ZNF518B: variants seen among roughly 807,000 people sequenced by gnomAD.
ZNF518B encodes zinc finger protein 518B.
A neutral mutation model predicts 56.3 loss-of-function variants in ZNF518B; 23 were observed. That is an observed-to-expected ratio of 0.41 (90% CI 0.29 to 0.58). The LOEUF (loss-of-function observed/expected upper bound fraction) is 0.58. Ranked by LOEUF, ZNF518B falls within the 20% of genes least tolerant of loss-of-function variation. The pLI is 0.32. For missense variants in ZNF518B, 1,460 were observed against 1,272.1 expected (o/e 1.15, Z -2.25); for synonymous variants, 529 against 465.9 (o/e 1.14, Z -1.74).
Position 10,443,034 on chromosome 4 carries a change from G to T in ZNF518B, c.*70C>A. 1 of 1,352,344 alleles carries T rather than the reference G, an allele frequency of 7.4e-7. No individual in the cohort carries two copies. Among genetic ancestry groups the T allele is most frequent in the South Asian group, 1.4e-5 (1 of 71,422 alleles). The allele number at this position is 1,352,344 out of a possible 1,614,324, so 83.8% of individuals were successfully genotyped here. ...TTCTACAGTCTGTATTTCTTCTACT[G>T]AATCTTGGTGGAGGGACTCCAAACC... On this transcript the variant is annotated 3_prime_UTR_variant, in exon 3 of 3. Coordinates refer to ENST00000326756, the MANE Select transcript of ZNF518B (RefSeq NM_053042.3).
At chr4:10,450,176 T>C (rs1439873067) in intron 2 of ZNF518B, among the ~76,000 whole-genome samples, 8 of 152,234 alleles carry the variant, frequency 5.3e-5, no homozygotes, top group Admixed American at 3.3e-4. Context: ...TAAGAATCCA[T>C]AGGAGCAAGT....
rs1161015837 is a variant in ZNF518B at position 10,444,896 on chromosome 4, G to T, written c.1433C>A (p.Ser478Tyr). Residue 478 changes from serine (S) to tyrosine (Y), a missense_variant, in exon 3 of 3, where the codon TCC (serine) becomes TAC (tyrosine). Transcript: ENST00000326756. ...NLYPHRTAFP[S>Y]VALKGHSLAS... The stretch of plus-strand genomic sequence containing the variant: ...TAGAGAATGACCTTTTAAGGCAACG[G>T]AAGGAAAAGCAGTTCTATGTGGATA... 1 of 1,612,260 alleles carries T rather than the reference G, an allele frequency of 6.2e-7. No homozygotes were observed. Among genetic ancestry groups the T allele is most frequent in the African/African-American group, 1.3e-5 (1 of 74,736 alleles).
chr4:10,451,170 A>C (rs1715286419), intron 2 of ZNF518B: 1 of 152,194 alleles, frequency 6.6e-6, no homozygotes, highest in African/African-American at 2.4e-5. Flanking sequence ...TTAAAGACTT[A>C]TTATGGGGAC....
chr4:10,444,315 A>G lies in ZNF518B; in HGVS notation c.2014T>C (p.Leu672=). The change falls in exon 3 of 3, where the codon TTA becomes CTA. Residue 672 remains leucine, a synonymous_variant. Transcript: ENST00000326756. ...GACGGCTTCCCACAGGACTCAATTA[A>G]CTGAGCTATCTTTCTGCGCAACAGT... is the stretch of plus-strand genomic sequence containing the variant. ...IELLRRKIAQ[L]IESCGKPSSL... 1 of 1,614,148 alleles carries G rather than the reference A, an allele frequency of 6.2e-7. No homozygotes were observed. The highest frequency in any genetic ancestry group is 1.1e-5 in the South Asian group (1 of 91,088).
intron 2 of ZNF518B, among the ~76,000 whole-genome samples, chr4:10,450,229 G>A (rs957230131): frequency 2.6e-5 from 4 of 152,226 alleles, no homozygotes; most frequent in Admixed American, 2.0e-4. Context: ...CAAATGCAGT[G>A]TGATGGGGAA....
At chr4:10,447,501 C>G (rs1715113211) in intron 2 of ZNF518B, among the ~76,000 whole-genome samples, 1 of 151,988 alleles carries the variant, frequency 6.6e-6, no homozygotes, top group Non-Finnish European at 1.5e-5. Flanking sequence ...GGGACATGTT[C>G]TAGGAAAGAC....
chr4:10,445,003 C>T lies in ZNF518B; in HGVS notation c.1326G>A (p.Met442Ile). 4 of 1,614,088 alleles carry T rather than the reference C, an allele frequency of 2.5e-6. No individual in the cohort carries two copies. Among genetic ancestry groups the T allele is most frequent in the Non-Finnish European group, 3.4e-6 (4 of 1,180,014 alleles). ...CATTGTTGTGCACACTAGAATTTGG[C>T]ATAATAAAATCATAAGACCTTACCC... is the stretch of plus-strand genomic sequence containing the variant. The part of the protein sequence containing the change: ...VKWVRSYDFI[M>I]PNSSVHNNGK... Residue 442 changes from methionine to isoleucine, a missense_variant, in exon 3 of 3, where the codon ATG (methionine) becomes ATA (isoleucine). Met to Ile is a conservative substitution (Grantham distance 10). Transcript: ENST00000326756.
At position 10,451,257 on chromosome 4, in the gene ZNF518B, T is replaced by G. The variant is rs915472842; in HGVS notation, c.-212+3548A>C. ...AGGGCTATAAAAAAACATAAAAGAC[T>G]GTGTAAGTTCCTATTAAAAACGAAG... On this transcript the variant is annotated intron_variant, in intron 2 of 2. Coordinates refer to ENST00000326756, the MANE Select transcript of ZNF518B (RefSeq NM_053042.3). 6 of 152,314 alleles carry G rather than the reference T, an allele frequency of 3.9e-5. No individual in the cohort carries two copies. The South Asian group carries it at 1.0e-3, about 26-fold the overall frequency. 9.4% of individuals were successfully genotyped at this position (152,314 alleles called of 1,614,324 possible).
chr4:10,456,744 C>A (rs1240037064), intron 1 of ZNF518B, among the ~76,000 whole-genome samples: 1 of 152,200 alleles, frequency 6.6e-6, no homozygotes, highest in Non-Finnish European at 1.5e-5. Flanking sequence ...GGGGTTCTTC[C>A]AACCGAAGAA....
At chr4:10,457,793 G>A (rs916766959), upstream of ZNF518B, among the ~76,000 whole-genome samples, 3 of 152,218 alleles carry the variant, frequency 2.0e-5, no homozygotes, top group African/African-American at 4.8e-5. Context: ...AGGAGCTCAG[G>A]TCCTCAGCCT....
chr4:10,440,586 C>A lies in ZNF518B; in HGVS notation c.*2518G>T, dbSNP rs1252728837. ...AGGGAGGACAGCTACTTTTTGCTTT[C>A]CCATTTTTGACTTCCAGAAACACTT... On this transcript the variant is annotated 3_prime_UTR_variant, in exon 3 of 3. Transcript: ENST00000326756. 1 of 152,530 alleles carries A rather than the reference C, an allele frequency of 6.6e-6. No homozygotes were observed. Among genetic ancestry groups the A allele is most frequent in the East Asian group, 1.9e-4 (1 of 5,192 alleles). The allele number at this position is 152,530 out of a possible 1,614,324, so 9.4% of individuals were successfully genotyped here. A position where few individuals can be genotyped will look rare whatever the true frequency, so the allele number is the denominator to read the frequency against.
At chr4:10,452,216 T>C (rs1203659565) in intron 2 of ZNF518B, 1 of 152,232 alleles carries the variant, frequency 6.6e-6, no homozygotes, top group Admixed American at 6.5e-5. Context: ...ACTCTGATCC[T>C]GTCCCTCATT....
intron 2 of ZNF518B, 133 bp downstream of exon 2, chr4:10,454,672 T>G (rs1352431282): frequency 6.6e-6 from 1 of 152,236 alleles, no homozygotes; most frequent in Non-Finnish European, 1.5e-5. Context: ...TATGGCTTTT[T>G]GAAGATCACA....
rs1715004127 is a variant in ZNF518B at position 10,445,709 on chromosome 4, T to C, written c.620A>G (p.Lys207Arg). 1.2e-6 allele frequency: 2 copies of C among 1,614,086 alleles called. No homozygotes were observed. Among genetic ancestry groups the C allele is most frequent in the Admixed American group, 1.7e-5 (1 of 60,012 alleles). Residue 207 changes from lysine (K) to arginine (R), a missense_variant, in exon 3 of 3, where the codon AAA (lysine) becomes AGA (arginine). Transcript: ENST00000326756. ...YGAIRNDYIVKHTKRVHERAG... is the reference protein window; with the variant it reads ...YGAIRNDYIVRHTKRVHERAG... ...CCTTTCATGTACTCTCTTCGTGTGT[T>C]TGACAATATAATCATTTCTAATAGC... is the stretch of plus-strand genomic sequence containing the variant.
At chr4:10,458,709 A>C (rs1715647155), upstream of ZNF518B, among the ~76,000 whole-genome samples, 2 of 152,198 alleles carry the variant, frequency 1.3e-5, no homozygotes, top group South Asian at 4.1e-4. Context: ...ATTTATGTGC[A>C]GATAGCACCT....
At chr4:10,451,253 A>C (rs1180960326) in intron 2 of ZNF518B, 1 of 152,226 alleles carries the variant, frequency 6.6e-6, no homozygotes, top group Non-Finnish European at 1.5e-5. Flanking sequence ...AAAACATAAA[A>C]GACTGTGTAA....
rs142014232 is a variant in ZNF518B, at chr4:10,449,030, C to T, written c.-211-2491G>A. On this transcript the variant is annotated intron_variant, in intron 2 of 2. Transcript: ENST00000326756. ...GACACTGCTGATCCTCGAAATCACACACTTTATCATCTAAAGAATGCTACC... is the reference window on the plus strand; with the variant it reads ...GACACTGCTGATCCTCGAAATCACATACTTTATCATCTAAAGAATGCTACC... Among the ~76,000 whole-genome samples, 5 of 152,328 alleles carry T rather than the reference C, an allele frequency of 3.3e-5. No homozygotes were observed. The East Asian group carries it at 9.6e-4, about 29-fold the overall frequency.
chr4:10,460,712 T>G (rs1455889718), upstream of ZNF518B, among the ~76,000 whole-genome samples: 1 of 152,192 alleles, frequency 6.6e-6, no homozygotes, highest in Non-Finnish European at 1.5e-5. Context: ...CTTTCCATGA[T>G]CATCCTTTCT....
rs1296799344 is a variant in ZNF518B, at chr4:10,443,049, G to A, written c.*55C>T. ...TTCTTCTACTGAATCTTGGTGGAGGGACTCCAAACCAGAATAAACTAAAAG... is the reference window on the plus strand; with the variant it reads ...TTCTTCTACTGAATCTTGGTGGAGGAACTCCAAACCAGAATAAACTAAAAG... On this transcript the variant is annotated 3_prime_UTR_variant, in exon 3 of 3. Coordinates refer to ENST00000326756, the MANE Select transcript of ZNF518B (RefSeq NM_053042.3). 18 of 1,458,422 alleles carry A rather than the reference G, an allele frequency of 1.2e-5. No homozygotes were observed. Among genetic ancestry groups the A allele is most frequent in the Admixed American group, 2.1e-5 (1 of 47,932 alleles). 90.3% of individuals were successfully genotyped at this position (1,458,422 alleles called of 1,614,324 possible). A position where few individuals can be genotyped will look rare whatever the true frequency, so the allele number is the denominator to read the frequency against.
Sources: allele counts gnomAD v4.1 joint callset (sites outside exome capture counted in the v4.1 genomes callset), GRCh38; gene constraint gnomAD v4.1.1; transcripts MANE v1.5; gene names NCBI Gene and HGNC (gene_info 2026-07-23, HGNC 2026-07-21).